PDE1A: variants seen among roughly 807,000 people sequenced by gnomAD.
PDE1A encodes the protein phosphodiesterase 1A.
A neutral mutation model predicts 61.7 loss-of-function variants in PDE1A; 35 were observed. That is an observed-to-expected ratio of 0.57 (90% CI 0.43 to 0.75). The LOEUF is 0.75. Among genes scored for constraint, PDE1A ranks in the 30% least tolerant of loss-of-function variants. The pLI is 0.00. For missense variants in PDE1A, 597 were observed against 630.6 expected (o/e 0.95, Z 0.57); for synonymous variants, 232 against 213.2 (o/e 1.09, Z -0.77).
intron 13 of PDE1A, among the ~76,000 whole-genome samples, chr2:182,182,549 T>C (rs559277950): frequency 1.1e-4 from 17 of 152,252 alleles, no homozygotes; most frequent in Non-Finnish European, 2.4e-4. Context: ...TGTAGCAGAG[T>C]AATCCTTTTG....
chr2:182,694,490 A>G, the PDE1A span, among the ~76,000 whole-genome samples: 1 of 152,202 alleles, frequency 6.6e-6, no homozygotes, highest in Admixed American at 6.5e-5. Flanking sequence ...CTCTCATCTG[A>G]GAAATGATCC....
intron 2 of PDE1A, among the ~76,000 whole-genome samples, chr2:182,511,704 G>A (rs1050673048): frequency 1.3e-5 from 2 of 152,164 alleles, no homozygotes; most frequent in Admixed American, 1.3e-4. Context: ...CCATGAGACA[G>A]AGCCAATCTG....
At chr2:182,710,560 G>A in the PDE1A span, among the ~76,000 whole-genome samples, 1 of 152,130 alleles carries the variant, frequency 6.6e-6, no homozygotes, top group Non-Finnish European at 1.5e-5. Context: ...CTGCTTCTGT[G>A]AGTTTTACTC....
the PDE1A span, among the ~76,000 whole-genome samples, chr2:182,565,350 G>A: frequency 2.8e-4 from 43 of 152,272 alleles, no homozygotes; most frequent in Middle Eastern, 3.4e-3. Flanking sequence ...TACCAGCAGC[G>A]GTGGCTGCAG....
chr2:182,333,811 A>T (rs567670935), intron 1 of PDE1A, among the ~76,000 whole-genome samples: 1 of 152,158 alleles, frequency 6.6e-6, no homozygotes, highest in East Asian at 1.9e-4. Flanking sequence ...TGAAAAGATT[A>T]ACAAAATAGA....
At chr2:182,460,348 C>T (rs1686200557) in intron 2 of PDE1A, among the ~76,000 whole-genome samples, 1 of 152,052 alleles carries the variant, frequency 6.6e-6, no homozygotes, top group Admixed American at 6.6e-5. Flanking sequence ...ATCACCAGTT[C>T]GACCTTTCAT....
chr2:182,156,473 T>A (rs1412248983), intron 13 of PDE1A, among the ~76,000 whole-genome samples: 1 of 152,086 alleles, frequency 6.6e-6, no homozygotes, highest in African/African-American at 2.4e-5. Flanking sequence ...AGGCTCTGAC[T>A]CAAAGGGGAA....
chr2:182,283,282 A>G (rs896221380), intron 1 of PDE1A, among the ~76,000 whole-genome samples: 7 of 152,006 alleles, frequency 4.6e-5, no homozygotes, highest in Admixed American at 3.9e-4. Context: ...ATTCTGATGT[A>G]ATGTTTTGAC....
intron 10 of PDE1A, among the ~76,000 whole-genome samples, chr2:182,198,276 A>G (rs1342447688): frequency 6.6e-6 from 1 of 151,894 alleles, no homozygotes; most frequent in Admixed American, 6.6e-5. Context: ...CCTTTTGTAG[A>G]TCTCTTGAGG....
At chr2:182,174,679 T>C (rs1413925583) in intron 13 of PDE1A, among the ~76,000 whole-genome samples, 1 of 152,110 alleles carries the variant, frequency 6.6e-6, no homozygotes, top group Non-Finnish European at 1.5e-5. Flanking sequence ...ATTAACACCT[T>C]AAGATTGTCC....
At chr2:182,437,783 T>C (rs1684534112) in intron 2 of PDE1A, among the ~76,000 whole-genome samples, 1 of 151,916 alleles carries the variant, frequency 6.6e-6, no homozygotes, top group Non-Finnish European at 1.5e-5. Context: ...CTTACAATCA[T>C]TTTATATTTT....
intron 2 of PDE1A, among the ~76,000 whole-genome samples, chr2:182,472,733 A>T (rs943663145): frequency 2.6e-5 from 4 of 151,290 alleles, no homozygotes; most frequent in African/African-American, 9.7e-5. Flanking sequence ...TTTCCACATA[A>T]TCAACTCTAG....
chr2:182,670,710 A>C, the PDE1A span, among the ~76,000 whole-genome samples: 1 of 152,214 alleles, frequency 6.6e-6, no homozygotes, highest in South Asian at 2.1e-4. Context: ...ATCACCTACC[A>C]ATGTTTCTCA....
the PDE1A span, among the ~76,000 whole-genome samples, chr2:182,619,802 T>C: frequency 1.3e-5 from 2 of 152,256 alleles, no homozygotes; most frequent in East Asian, 3.9e-4. Context: ...AGAAAAGGCA[T>C]GTATTGCTCA....
chr2:182,144,876 C>T (rs144855960), downstream of PDE1A, among the ~76,000 whole-genome samples: 9 of 152,294 alleles, frequency 5.9e-5, no homozygotes, highest in Admixed American at 1.3e-4. Context: ...CAGCTGGCAA[C>T]ACTGGGCCCT....
At chr2:182,480,789 A>G (rs1439280747) in intron 2 of PDE1A, among the ~76,000 whole-genome samples, 1 of 151,900 alleles carries the variant, frequency 6.6e-6, no homozygotes, top group African/African-American at 2.4e-5. Flanking sequence ...GCATGTACAT[A>G]CACAAACACA....
chr2:182,157,880 G>C (rs955085542), intron 13 of PDE1A, among the ~76,000 whole-genome samples: 3 of 152,180 alleles, frequency 2.0e-5, no homozygotes, highest in African/African-American at 7.2e-5. Context: ...ATCTTTAAGA[G>C]GCTTTAGAGA....
chr2:182,516,378 T>G (rs1451356899), intron 2 of PDE1A, among the ~76,000 whole-genome samples: 1 of 152,216 alleles, frequency 6.6e-6, no homozygotes, highest in East Asian at 1.9e-4. Context: ...TGGCCAGGCA[T>G]GGTGGCTCAC....
At chr2:182,676,604 C>A in the PDE1A span, among the ~76,000 whole-genome samples, 1 of 152,082 alleles carries the variant, frequency 6.6e-6, no homozygotes, top group Non-Finnish European at 1.5e-5. Flanking sequence ...CTGACAAAGA[C>A]ACAACAGAAA....
Sources: gnomAD v4.1 joint callset for allele counts (sites outside exome capture counted in the v4.1 genomes callset) on GRCh38, gnomAD v4.1.1 for gene constraint, MANE v1.5 for transcripts, NCBI Gene and HGNC (gene_info 2026-07-23, HGNC 2026-07-21) for gene names.